KLHL30: variants seen among roughly 807,000 people sequenced by gnomAD.
KLHL30 encodes kelch-like protein 30.
A neutral mutation model predicts 55.0 loss-of-function variants in KLHL30; 55 were observed. That is an observed-to-expected ratio of 1.00 (90% CI 0.80 to 1.25). KLHL30 has a LOEUF of 1.25. KLHL30 is among the 50% of genes most tolerant of loss of function. The probability of loss-of-function intolerance (pLI) is 0.00; values close to 1 mark genes in which losing one functional copy is unlikely to be tolerated. For missense variants in KLHL30, 786 were observed against 811.6 expected (o/e 0.97, Z 0.38); for synonymous variants, 356 against 372.6 (o/e 0.96, Z 0.51).
chr2:238,140,997 C>T lies in KLHL30; in HGVS notation c.243C>T (p.Pro81=), dbSNP rs559589668. Reference sequence around the variant, plus strand: ...GCGTGGAGCTGCGGGACGTGGAGCCCGCCGTGGTGGGACAACTGGTGGACT... The same window carrying T: ...GCGTGGAGCTGCGGGACGTGGAGCCTGCCGTGGTGGGACAACTGGTGGACT... The part of the protein sequence containing the change: ...SARVELRDVE[P]AVVGQLVDFV... The change falls in exon 2 of 8, where the codon CCC becomes CCT. Residue 81 remains proline, a synonymous_variant. Transcript: ENST00000409223. The T allele has an allele frequency of 2.4e-5, 39 of 1,612,342 alleles. No homozygotes were observed. Among genetic ancestry groups the T allele is most frequent in the Non-Finnish European group, 3.1e-5 (36 of 1,179,682 alleles).
At position 238,145,979 on chromosome 2, in the gene KLHL30, C is replaced by T. The variant is rs994821387; in HGVS notation, c.1150+147C>T. 59 of 1,030,438 alleles carry T rather than the reference C, an allele frequency of 5.7e-5. No individual in the cohort carries two copies. In the East Asian group the frequency reaches 9.2e-4, roughly 16 times the overall value. 63.8% of individuals were successfully genotyped at this position (1,030,438 alleles called of 1,614,324 possible). A position where few individuals can be genotyped will look rare whatever the true frequency, so the allele number is the denominator to read the frequency against. Reference sequence around the variant, plus strand: ...CCTCAGGGCTCGCTGTCTGGTGGGGCGGGCAAGCCACAGGCCAGGGCTCCT... The same window carrying T: ...CCTCAGGGCTCGCTGTCTGGTGGGGTGGGCAAGCCACAGGCCAGGGCTCCT... On this transcript the variant is annotated intron_variant, in intron 5 of 7. Coordinates refer to ENST00000409223, the MANE Select transcript of KLHL30 (RefSeq NM_198582.4).
At chr2:238,144,432 A>AATGAAGGCAGGCAGGCAGGC (rs1692607763) in intron 3 of KLHL30, among the ~76,000 whole-genome samples, 2 of 82,454 alleles carry the variant, frequency 2.4e-5, no homozygotes, top group Admixed American at 1.2e-4. Context: ...GGAAGGAAGG[A>AATGAAGGCAGGCAGGCAGGC]AGGCAGGCAG....
At chr2:238,139,779 C>G (rs1692499131) in intron 1 of KLHL30, among the ~76,000 whole-genome samples, 1 of 152,258 alleles carries the variant, frequency 6.6e-6, no homozygotes, top group Non-Finnish European at 1.5e-5. Context: ...GGCCTCTCCG[C>G]TGCGCAGCCT....
chr2:238,149,114 G>T lies in KLHL30; in HGVS notation c.1447G>T (p.Val483Phe), dbSNP rs1692702084. The T allele has an allele frequency of 6.2e-7, 1 of 1,612,996 alleles. No homozygotes were observed. The highest frequency in any genetic ancestry group is 1.3e-5 in the African/African-American group (1 of 74,934). Reference protein sequence around the residue: ...LYLIGDNTKKVYVYDPGANLW... With the variant: ...LYLIGDNTKKFYVYDPGANLW... ...CCTCATTGGGGACAACACCAAGAAG[G>T]TCTACGTGTACGACCCCGGGGCCAA... Residue 483 changes from valine (V) to phenylalanine (F), a missense_variant, in exon 7 of 8, where the codon GTC (valine) becomes TTC (phenylalanine). Val to Phe is a conservative substitution (Grantham distance 50, BLOSUM62 -1). Coordinates refer to ENST00000409223, the MANE Select transcript of KLHL30 (RefSeq NM_198582.4).
chr2:238,140,354 G>T (rs1692509029), intron 1 of KLHL30, among the ~76,000 whole-genome samples: 1 of 152,194 alleles, frequency 6.6e-6, no homozygotes, highest in Non-Finnish European at 1.5e-5. Flanking sequence ...GGGTCCCTGG[G>T]GGGTGGGCTC....
intron 7 of KLHL30, 142 bp from the exon 8 acceptor site, chr2:238,150,672 G>T: frequency 1.1e-6 from 1 of 922,388 alleles, no homozygotes; most frequent in Non-Finnish European, 1.6e-6. Flanking sequence ...GCTGCCCAGG[G>T]ACTCTGCGCT....
chr2:238,151,182 C>T lies in KLHL30; in HGVS notation c.*117C>T, dbSNP rs1054855296. On this transcript the variant is annotated 3_prime_UTR_variant, in exon 8 of 8. Transcript: ENST00000409223. Reference sequence around the variant, plus strand: ...CGGAGCTACCATTCCTTCCAAGCTGCGCTCAGGCCACCAGGGGTGATCAGA... The same window carrying T: ...CGGAGCTACCATTCCTTCCAAGCTGTGCTCAGGCCACCAGGGGTGATCAGA... 22 of 1,385,906 alleles carry T rather than the reference C, an allele frequency of 1.6e-5. No homozygotes were observed. The highest frequency in any genetic ancestry group is 6.7e-5 in the Admixed American group (3 of 44,636). 85.9% of individuals were successfully genotyped at this position (1,385,906 alleles called of 1,614,324 possible). A position where few individuals can be genotyped will look rare whatever the true frequency, so the allele number is the denominator to read the frequency against.
Position 238,149,085 on chromosome 2 carries a change from T to G in KLHL30, c.1418T>G (p.Leu473Arg), listed in dbSNP as rs748163125. Residue 473 changes from leucine (L) to arginine (R), a missense_variant, in exon 7 of 8, where the codon CTC becomes CGC. Transcript: ENST00000409223. ...CGCTGTGCTGCACTGCACGGGGAGCTCTACCTCATTGGGGACAACACCAAG... is the reference window on the plus strand; with the variant it reads ...CGCTGTGCTGCACTGCACGGGGAGCGCTACCTCATTGGGGACAACACCAAG... ...SPRCAALHGE[L>R]YLIGDNTKKV... 2 of 1,613,242 alleles carry G rather than the reference T, an allele frequency of 1.2e-6. No homozygotes were observed.
At chr2:238,145,564 C>A in intron 4 of KLHL30, 113 bp from the exon 5 acceptor site, 2 of 1,259,926 alleles carry the variant, frequency 1.6e-6, no homozygotes, top group East Asian at 2.5e-5. Flanking sequence ...TGGCTCACCA[C>A]GTTGGAGATC....
chr2:238,151,097 C>T lies in KLHL30; in HGVS notation c.*32C>T, dbSNP rs1478696322. The T allele has an allele frequency of 1.3e-6, 2 of 1,557,782 alleles. No individual in the cohort carries two copies. Among genetic ancestry groups the T allele is most frequent in the East Asian group, 4.7e-5 (2 of 42,220 alleles). ...GCCAGGGTCCCCGGGGAGGAGTCCC[C>T]ACAGCGGCCCCTCATCAGCCTGTGG... On this transcript the variant is annotated 3_prime_UTR_variant, in exon 8 of 8. Transcript: ENST00000409223.
At chr2:238,149,177 G>T (rs896577249) in intron 7 of KLHL30, 25 bp downstream of exon 7, 7 of 1,611,022 alleles carry the variant, frequency 4.3e-6, no homozygotes, top group Non-Finnish European at 5.9e-6. Context: ...CCCCCAACAT[G>T]TGTGAGCCCC....
In KLHL30 at chr2:238,142,893, C is replaced by A. The variant is rs372830967; in HGVS notation, c.869C>A (p.Pro290His). 10 of 1,498,010 alleles carry A rather than the reference C, an allele frequency of 6.7e-6. 1 individual carries two copies. In the Middle Eastern group the frequency reaches 1.4e-3, roughly 213 times the overall value. 92.8% of individuals were successfully genotyped at this position (1,498,010 alleles called of 1,614,324 possible). A position where few individuals can be genotyped will look rare whatever the true frequency, so the allele number is the denominator to read the frequency against. Residue 290 changes from proline (P) to histidine (H), a missense_variant, in exon 3 of 8, where the codon CCC (proline) becomes CAC (histidine). Coordinates refer to ENST00000409223, the MANE Select transcript of KLHL30 (RefSeq NM_198582.4). ...EEEEAGEEPT[P>H]GLGNFAFYNS... is the part of the protein sequence containing the mutation. The stretch of plus-strand genomic sequence containing the variant: ...GAGGAGGCAGGTGAGGAGCCCACCC[C>A]CGGCCTTGGGAACTTTGCCTTCTAC...
In KLHL30 at chr2:238,141,531, G is replaced by C. The variant is rs1443404140; in HGVS notation, c.774+3G>C. ...CCCTGTCCCAGGGCCATGATGGGGT[G>C]AGTGAGCGGCTGGGAGGCCCCATCC... On this transcript the variant is annotated splice_donor_region_variant and intron_variant, in intron 2 of 7. Transcript: ENST00000409223. 2 of 1,438,786 alleles carry C rather than the reference G, an allele frequency of 1.4e-6. No individual in the cohort carries two copies. The highest frequency in any genetic ancestry group is 5.7e-5 in the Admixed American group (2 of 35,204). The allele number at this position is 1,438,786 out of a possible 1,614,324, so 89.1% of individuals were successfully genotyped here. A position where few individuals can be genotyped will look rare whatever the true frequency, so the allele number is the denominator to read the frequency against.
At chr2:238,143,561 C>T (rs35543327) in intron 3 of KLHL30, among the ~76,000 whole-genome samples, 46,311 of 152,242 alleles carry the variant, frequency 0.3, 7,608 homozygotes, top group South Asian at 0.42. Context: ...CCCGCAGCGG[C>T]TCTGGAGGCC....
rs1281999286 is a variant in KLHL30, at chr2:238,152,571, G to T, written c.*1506G>T. On this transcript the variant is annotated 3_prime_UTR_variant, in exon 8 of 8. Coordinates refer to ENST00000409223, the MANE Select transcript of KLHL30 (RefSeq NM_198582.4). ...TTTAGTAGAAACAGGGTTTCACCAT[G>T]TTGACCAGGCTGGTCTTGAACTCCT... The T allele has an allele frequency of 6.6e-6, 1 of 152,108 alleles. No individual in the cohort carries two copies. The highest frequency in any genetic ancestry group is 1.5e-5 in the Non-Finnish European group (1 of 68,066). 9.4% of individuals were successfully genotyped at this position (152,108 alleles called of 1,614,324 possible). A position where few individuals can be genotyped will look rare whatever the true frequency, so the allele number is the denominator to read the frequency against.
At chr2:238,146,651 C>T (rs1692652928) in intron 5 of KLHL30, among the ~76,000 whole-genome samples, 1 of 151,200 alleles carries the variant, frequency 6.6e-6, no homozygotes, top group Admixed American at 6.6e-5. Flanking sequence ...AAGTGGTCCA[C>T]CCGCCTCAGC....
rs181138638 is a variant in KLHL30 at position 238,141,288 on chromosome 2, G to A, written c.534G>A (p.Arg178=). 6 of 1,600,646 alleles carry A rather than the reference G, an allele frequency of 3.7e-6. No homozygotes were observed. The Admixed American group carries it at 8.4e-5, about 22-fold the overall frequency. Residue 178 remains arginine, a synonymous_variant, in exon 2 of 8, where the codon CGG becomes CGA. Transcript: ENST00000409223. Reference sequence around the variant, plus strand: ...AGTTCCTGCAGCTTCCCCGAGAGCGGCTGGTCACTTGTCTGGCCGGCGACC... The same window carrying A: ...AGTTCCTGCAGCTTCCCCGAGAGCGACTGGTCACTTGTCTGGCCGGCGACC... The part of the protein sequence containing the change: ...EDEFLQLPRE[R]LVTCLAGDLL...
chr2:238,142,658 C>G (rs1157562925), intron 2 of KLHL30, 141 bp from the exon 3 acceptor site: 1 of 792,014 alleles, frequency 1.3e-6, no homozygotes, highest in East Asian at 3.4e-5. Flanking sequence ...GAGGGAGCAG[C>G]TTGTGCACTC....
chr2:238,148,979 C>T lies in KLHL30; in HGVS notation c.1340-28C>T, dbSNP rs376932703. ...GTGCCCGCTCTGGCAACCCTGGTGA[C>T]GGTGGCCAGTGCCCGTGCCCCCCAC... On this transcript the variant is annotated intron_variant, in intron 6 of 7. Coordinates refer to ENST00000409223, the MANE Select transcript of KLHL30 (RefSeq NM_198582.4). 4.9e-5 allele frequency: 77 copies of T among 1,561,898 alleles called. No individual in the cohort carries two copies. The Middle Eastern group carries it at 5.0e-4, about 10-fold the overall frequency.
Sources: allele counts gnomAD v4.1 joint callset (sites outside exome capture counted in the v4.1 genomes callset), GRCh38; gene constraint gnomAD v4.1.1; transcripts MANE v1.5; gene names NCBI Gene and HGNC (gene_info 2026-07-23, HGNC 2026-07-21).